Variants in SERPINE3 observed in about 807,000 individuals in gnomAD.
SERPINE3 encodes serpin family E member 3.
SERPINE3 carries 43 observed loss-of-function variants against 41.7 expected under a neutral mutation model. That is an observed-to-expected ratio of 1.03 (90% CI 0.81 to 1.33). The LOEUF is 1.33. Among genes scored for constraint, SERPINE3 ranks in the 40% most tolerant of loss-of-function variants. The pLI is 0.00. For synonymous variants in SERPINE3, 200 were observed against 192.2 expected (o/e 1.04, Z -0.34); for missense variants, 440 against 491.7 (o/e 0.89, Z 0.99).
intron 3 of SERPINE3, among the ~76,000 whole-genome samples, chr13:51,343,223 A>G (rs1955311488): frequency 1.3e-5 from 2 of 152,124 alleles, no homozygotes; most frequent in South Asian, 4.1e-4. Flanking sequence ...GATACCCAGC[A>G]TTTTGTCTTA....
chr13:51,344,118 T>A (rs531922602), intron 3 of SERPINE3, 134 bp from the exon 4 acceptor site: 2 of 679,608 alleles, frequency 2.9e-6, no homozygotes, highest in East Asian at 5.4e-5. Flanking sequence ...CAAACTGGCT[T>A]TGTATGGTAG....
chr13:51,358,989 G>A (rs910436242), intron 7 of SERPINE3, among the ~76,000 whole-genome samples: 11 of 152,170 alleles, frequency 7.2e-5, no homozygotes, highest in African/African-American at 2.6e-4. Context: ...ATAAAAGTTA[G>A]CAGATTAGCA....
At position 51,344,251 on chromosome 13, in the gene SERPINE3, G is replaced by A. The variant is rs1213907733; in HGVS notation, c.257-1G>A. On this transcript the variant is annotated splice_acceptor_variant, in intron 3 of 9. Coordinates refer to ENST00000681248, the MANE Select transcript of SERPINE3 (RefSeq NM_001386375.1). LOFTEE classifies it high-confidence loss of function. The stretch of plus-strand genomic sequence containing the variant: ...AACTTATCCCAACTTGTTTTTCACA[G>A]ACAAAAGGGTGAAAGATTTCTTGCA... The A allele has an allele frequency of 1.9e-6, 3 of 1,612,900 alleles. 1 individual carries two copies. The highest frequency in any genetic ancestry group is 1.7e-5 in the Admixed American group (1 of 59,982).
At position 51,361,586 on chromosome 13, in the gene SERPINE3, A is replaced by G. The variant is rs1348935741; in HGVS notation, c.1087+222A>G. 26 of 584,874 alleles carry G rather than the reference A, an allele frequency of 4.4e-5. No individual in the cohort carries two copies. In the East Asian group the frequency reaches 5.9e-4, roughly 13 times the overall value. The allele number at this position is 584,874 out of a possible 1,614,324, so 36.2% of individuals were successfully genotyped here. On this transcript the variant is annotated intron_variant, in intron 8 of 9. Transcript: ENST00000681248. ...AAAATAATTCTGAAAGTTACCTTCAATAAGGAATTTATTCCATGGAATGTG... is the reference window on the plus strand; with the variant it reads ...AAAATAATTCTGAAAGTTACCTTCAGTAAGGAATTTATTCCATGGAATGTG...
Position 51,341,312 on chromosome 13 carries a change from A to G in SERPINE3, c.221A>G (p.Gln74Arg), listed in dbSNP as rs748715279. 1 of 1,610,564 alleles carries G rather than the reference A, an allele frequency of 6.2e-7. No individual in the cohort carries two copies. ...TTTGGAGCAGAAGGGAGCACTGGTC[A>G]GCAGCTGGCAGATGCCCTGGGGTAC... ...LQFGAEGSTGQQLADALGYTV... is the reference protein window; with the variant it reads ...LQFGAEGSTGRQLADALGYTV... Residue 74 changes from glutamine (Q) to arginine (R), a missense_variant, in exon 3 of 10, where the codon CAG becomes CGG. Physicochemically the swap from Gln to Arg is conservative, Grantham distance 43 (BLOSUM62 1). Transcript: ENST00000681248.
chr13:51,345,847 T>C (rs1955341178), intron 4 of SERPINE3, among the ~76,000 whole-genome samples: 1 of 152,236 alleles, frequency 6.6e-6, no homozygotes, highest in Non-Finnish European at 1.5e-5. Flanking sequence ...GCAGGCTGAT[T>C]GTCCTCTAAG....
intron 6 of SERPINE3, among the ~76,000 whole-genome samples, chr13:51,350,744 C>A (rs1406369795): frequency 6.6e-6 from 1 of 152,066 alleles, no homozygotes; most frequent in Non-Finnish European, 1.5e-5. Flanking sequence ...ATTCCAGAAC[C>A]TTTTCATCAC....
At position 51,343,699 on chromosome 13, in the gene SERPINE3, A is replaced by AT. The variant is rs1435186068; in HGVS notation, c.257-552dup. The stretch of plus-strand genomic sequence containing the variant: ...CCTCTGTATTTCTCAAATTGAAAGC[A>AT]TAGTTCTACACAAGGCTGAATCCAA... On this transcript the variant is annotated intron_variant, in intron 3 of 9. Coordinates refer to ENST00000681248, the MANE Select transcript of SERPINE3 (RefSeq NM_001386375.1). Among the ~76,000 whole-genome samples the AT allele has an allele frequency of 3.9e-5, 6 of 152,320 alleles. No individual in the cohort carries two copies. The South Asian group carries it at 8.3e-4, about 21-fold the overall frequency.
intron 6 of SERPINE3, 74 bp downstream of exon 6, chr13:51,348,485 T>A: frequency 7.7e-7 from 1 of 1,306,834 alleles, no homozygotes; most frequent in Non-Finnish European, 1.1e-6. Context: ...ACACAGGTGG[T>A]CTGCCTCCAG....
In SERPINE3 at chr13:51,355,089, T is replaced by G; in HGVS notation, c.946T>G (p.Trp316Gly). 2 of 1,552,602 alleles carry G rather than the reference T, an allele frequency of 1.3e-6. No homozygotes were observed. The highest frequency in any genetic ancestry group is 8.7e-7 in the Non-Finnish European group (1 of 1,145,592). ...CAACTTAAAAAGCATTTTAAATTCTTGGGGAGTCACCGATCTTTTTGATCC... is the reference window on the plus strand; with the variant it reads ...CAACTTAAAAAGCATTTTAAATTCTGGGGGAGTCACCGATCTTTTTGATCC... ...QFNLKSILNS[W>G]GVTDLFDPLK... The change falls in exon 7 of 10, where the codon TGG becomes GGG. Residue 316 changes from tryptophan (W) to glycine (G), a missense_variant. By Grantham distance (184) the Trp-to-Gly change is radical. Coordinates refer to ENST00000681248, the MANE Select transcript of SERPINE3 (RefSeq NM_001386375.1).
At chr13:51,348,436 G>A (rs974665301) in intron 6 of SERPINE3, 25 bp downstream of exon 6, 6 of 1,600,446 alleles carry the variant, frequency 3.7e-6, no homozygotes, top group Non-Finnish European at 5.1e-6. Flanking sequence ...CCCCCTCACA[G>A]GTGCTGTGCA....
At chr13:51,363,583 T>C (rs1360115998) in intron 9 of SERPINE3, 1 of 151,970 alleles carries the variant, frequency 6.6e-6, no homozygotes, top group African/African-American at 2.4e-5. Flanking sequence ...TTCAGTGACA[T>C]AAAGGGCCTA....
intron 4 of SERPINE3, among the ~76,000 whole-genome samples, chr13:51,344,725 C>T (rs991517065): frequency 6.6e-6 from 1 of 152,016 alleles, no homozygotes; most frequent in Non-Finnish European, 1.5e-5. Context: ...CACACACGAG[C>T]CACAAGAGCA....
chr13:51,361,312 C>T lies in SERPINE3; in HGVS notation c.1035C>T (p.His345=). 1 of 1,610,246 alleles carries T rather than the reference C, an allele frequency of 6.2e-7. No individual in the cohort carries two copies. Among genetic ancestry groups the T allele is most frequent in the South Asian group, 1.1e-5 (1 of 90,644 alleles). ...GCTTTTATGTTTCTGAAGCAATCCA[C>T]AAGGCCAAGATTGAAGTTTTGGAGG... ...QDGFYVSEAI[H]KAKIEVLEEG... is the part of the protein sequence containing the mutation. The change falls in exon 8 of 10, where the codon CAC becomes CAT. Residue 345 remains histidine, a synonymous_variant. Transcript: ENST00000681248.
chr13:51,361,937 T>C, intron 9 of SERPINE3, 44 bp downstream of exon 9: 7 of 1,611,998 alleles, frequency 4.3e-6, no homozygotes, highest in Non-Finnish European at 5.9e-6. Context: ...TTTATCAGTG[T>C]CTCTCTAGCA....
At chr13:51,348,682 T>C (rs1019189564) in intron 6 of SERPINE3, 3 of 433,782 alleles carry the variant, frequency 6.9e-6, no homozygotes, top group African/African-American at 2.0e-5. Flanking sequence ...TGGGCTGGAA[T>C]GGAGCCCCCC....
chr13:51,344,568 T>C, intron 4 of SERPINE3, 83 bp downstream of exon 4: 1 of 1,133,416 alleles, frequency 8.8e-7, no homozygotes, highest in Admixed American at 2.0e-5. Flanking sequence ...TCAGAGGCCA[T>C]GGTGCTCAGG....
chr13:51,357,428 C>T (rs1955496679), intron 7 of SERPINE3, among the ~76,000 whole-genome samples: 1 of 152,134 alleles, frequency 6.6e-6, no homozygotes, highest in Admixed American at 6.5e-5. Flanking sequence ...ATACTGGCCT[C>T]TCCTCTCTTC....
At chr13:51,357,517 C>T (rs966127027) in intron 7 of SERPINE3, among the ~76,000 whole-genome samples, 3 of 152,102 alleles carry the variant, frequency 2.0e-5, no homozygotes, top group Admixed American at 6.6e-5. Flanking sequence ...TTTGGCCTTT[C>T]GGTCCCAAAG....
Sources: gnomAD v4.1 joint callset for allele counts (sites outside exome capture counted in the v4.1 genomes callset) on GRCh38, gnomAD v4.1.1 for gene constraint, MANE v1.5 for transcripts, NCBI Gene and HGNC (gene_info 2026-07-23, HGNC 2026-07-21) for gene names.